PUS7: variants seen among roughly 807,000 people sequenced by gnomAD.
PUS7 encodes pseudouridylate synthase 7 homolog.
A neutral mutation model predicts 79.8 loss-of-function variants in PUS7; 48 were observed. The ratio of observed to expected loss-of-function variants is 0.60; its 90% CI spans 0.48 to 0.76. PUS7 has a LOEUF of 0.76. Ranked by LOEUF, PUS7 falls within the 30% of genes least tolerant of loss-of-function variation. The probability of loss-of-function intolerance (pLI) is 0.00; values close to 1 mark genes in which losing one functional copy is unlikely to be tolerated. For synonymous variants in PUS7, 286 were observed against 272.2 expected, an observed-to-expected ratio of 1.05 and a Z score of -0.50; for missense variants, 729 against 797.6, an observed-to-expected ratio of 0.91 and a Z score of 1.04.
intron 9 of PUS7, among the ~76,000 whole-genome samples, chr7:105,478,854 T>G (rs1404770594): frequency 1.3e-5 from 2 of 152,240 alleles, no homozygotes; most frequent in Admixed American, 6.5e-5. Flanking sequence ...GTACTGACCT[T>G]TGGTCACGCT....
intron 13 of PUS7, among the ~76,000 whole-genome samples, chr7:105,463,782 AATGG>A (rs768100610): frequency 6.6e-6 from 1 of 152,198 alleles, no homozygotes; most frequent in African/African-American, 2.4e-5. Context: ...TTGATAAATT[AATGG>A]ATGGACAAAT....
intron 6 of PUS7, among the ~76,000 whole-genome samples, chr7:105,494,528 G>C (rs542994295): frequency 6.7e-6 from 1 of 149,534 alleles, no homozygotes; most frequent in African/African-American, 2.5e-5. Context: ...TCCTGCCTCA[G>C]CCTCCTGAGC....
Position 105,481,173 on chromosome 7 carries a change from T to C in PUS7, c.1054A>G (p.Ile352Val), listed in dbSNP as rs942618401. 3.1e-6 allele frequency: 5 copies of C among 1,607,156 alleles called. No homozygotes were observed. The highest frequency in any genetic ancestry group is 1.3e-5 in the African/African-American group (1 of 74,608). ...GNHFTVVLRN[I>V]TGTDDQVQQA... ...TGTACTTGGTCATCAGTTCCTGTTA[T>C]ATTTCTACAGGGACACAAATTATCC... Residue 352 changes from isoleucine to valine, a missense_variant, in exon 9 of 16, where the codon ATA becomes GTA. By Grantham distance (29) the Ile-to-Val change is conservative. Coordinates refer to ENST00000469408, the MANE Select transcript of PUS7 (RefSeq NM_019042.5).
chr7:105,481,652 T>A (rs368539868), intron 8 of PUS7, among the ~76,000 whole-genome samples: 6 of 152,072 alleles, frequency 3.9e-5, no homozygotes, highest in Non-Finnish European at 7.4e-5. Context: ...CCCTACCCTT[T>A]CCCCAGTAAC....
At chr7:105,462,553 TA>T in intron 14 of PUS7, 67 bp downstream of exon 14, 1 of 1,568,928 alleles carries the variant, frequency 6.4e-7, no homozygotes. Context: ...TGACTCTATA[TA>T]AAGTGAAGCA....
At chr7:105,461,843 T>C (rs956647638) in intron 14 of PUS7, among the ~76,000 whole-genome samples, 2 of 152,174 alleles carry the variant, frequency 1.3e-5, no homozygotes, top group African/African-American at 2.4e-5. Flanking sequence ...TACTGGAGGC[T>C]GCTGTAACAC....
Position 105,480,910 on chromosome 7 carries a change from T to TAAAACAAAAATCATGAAACAAAATCATGA in PUS7, c.1175+141_1175+142insTCATGATTTTGTTTCATGATTTTTGTTTT, listed in dbSNP as rs1824294546. ...CCGATTTTTTACCCTGTGCACTCAT[T>TAAAACAAAAATCATGAAACAAAATCATGA]AACTTAAAACAAAAATCATGAAACT... On this transcript the variant is annotated intron_variant, in intron 9 of 15. Coordinates refer to ENST00000469408, the MANE Select transcript of PUS7 (RefSeq NM_019042.5). 1.2e-5 allele frequency: 12 copies of TAAAACAAAAATCATGAAACAAAATCATGA among 1,018,834 alleles called. No individual in the cohort carries two copies. The East Asian group carries it at 3.2e-4, about 27-fold the overall frequency. 63.1% of individuals were successfully genotyped at this position (1,018,834 alleles called of 1,614,324 possible). A position where few individuals can be genotyped will look rare whatever the true frequency, so the allele number is the denominator to read the frequency against.
intron 3 of PUS7, 66 bp from the exon 4 acceptor site, chr7:105,506,122 A>T: frequency 6.4e-7 from 1 of 1,553,750 alleles, no homozygotes; most frequent in Admixed American, 1.9e-5. Flanking sequence ...AAAGCTCTAT[A>T]TTTCTAAATC....
intron 14 of PUS7, among the ~76,000 whole-genome samples, chr7:105,460,659 C>A (rs1472416549): frequency 1.3e-5 from 2 of 151,454 alleles, no homozygotes; most frequent in Non-Finnish European, 2.9e-5. Context: ...TCGAGACCAT[C>A]CTGGCTAACA....
At position 105,467,267 on chromosome 7, in the gene PUS7, A is replaced by T. The variant is rs972655418; in HGVS notation, c.1525+1070T>A. The stretch of plus-strand genomic sequence containing the variant: ...TGGGCATAGCATATACTAAATGCCC[A>T]TTCTATTTGAGTTTGAAGAAACTCT... On this transcript the variant is annotated intron_variant, in intron 12 of 15. Coordinates refer to ENST00000469408, the MANE Select transcript of PUS7 (RefSeq NM_019042.5). Among the ~76,000 whole-genome samples, 35 of 147,810 alleles carry T rather than the reference A, an allele frequency of 2.4e-4. 1 individual carries two copies. The highest frequency in any genetic ancestry group is 2.3e-3 in the Admixed American group (33 of 14,194).
At chr7:105,497,711 G>A (rs1825092830) in intron 5 of PUS7, among the ~76,000 whole-genome samples, 1 of 152,072 alleles carries the variant, frequency 6.6e-6, no homozygotes, top group Non-Finnish European at 1.5e-5. Flanking sequence ...TCCTCATCTG[G>A]CAAATAGATA....
chr7:105,507,066 G>A (rs185063072), intron 2 of PUS7, among the ~76,000 whole-genome samples: 132 of 151,976 alleles, frequency 8.7e-4, no homozygotes, highest in African/African-American at 3.1e-3. Flanking sequence ...TTTTTTTTGA[G>A]ACAGAGTCTT....
intron 8 of PUS7, among the ~76,000 whole-genome samples, chr7:105,481,514 C>G (rs535357052): frequency 2.0e-5 from 3 of 152,100 alleles, no homozygotes; most frequent in African/African-American, 7.2e-5. Context: ...AATAATGGAA[C>G]ACTAGCATAA....
At chr7:105,497,103 T>G in intron 5 of PUS7, 1 of 506,798 alleles carries the variant, frequency 2.0e-6, no homozygotes, top group Non-Finnish European at 2.7e-6. Flanking sequence ...CACCCGGTAG[T>G]TATGCGGTGG....
At chr7:105,496,194 CACATATATATATATAT>C (rs1417809144) in intron 5 of PUS7, among the ~76,000 whole-genome samples, 3 of 91,616 alleles carry the variant, frequency 3.3e-5, no homozygotes, top group South Asian at 9.0e-4. Flanking sequence ...TACACACACA[CACATATATATATATAT>C]ATATATATAT....
intron 5 of PUS7, 79 bp downstream of exon 5, chr7:105,502,341 C>A: frequency 6.5e-7 from 1 of 1,540,734 alleles, no homozygotes; most frequent in South Asian, 1.2e-5. Context: ...CCCTTGAACA[C>A]GAACGGGCAA....
intron 12 of PUS7, among the ~76,000 whole-genome samples, chr7:105,465,772 G>A (rs904627866): frequency 6.6e-6 from 1 of 152,210 alleles, no homozygotes; most frequent in Non-Finnish European, 1.5e-5. Context: ...GGCGGAGGTT[G>A]CGGTGAGCTG....
intron 7 of PUS7, among the ~76,000 whole-genome samples, chr7:105,485,307 T>A (rs1439492374): frequency 6.6e-6 from 1 of 152,240 alleles, no homozygotes; most frequent in East Asian, 1.9e-4. Context: ...CTTCCCGGGT[T>A]CAACCGATTC....
chr7:105,516,100 C>T (rs532003281), intron 1 of PUS7, among the ~76,000 whole-genome samples: 34 of 152,150 alleles, frequency 2.2e-4, no homozygotes, highest in South Asian at 4.1e-4. Context: ...TGAGCCACCA[C>T]GCCTGGCCTA....
Sources: allele counts gnomAD v4.1 joint callset (sites outside exome capture counted in the v4.1 genomes callset), GRCh38; gene constraint gnomAD v4.1.1; transcripts MANE v1.5; gene names NCBI Gene and HGNC (gene_info 2026-07-23, HGNC 2026-07-21).